VAV3: variants seen among roughly 807,000 people sequenced by gnomAD.
VAV3 encodes the protein guanine nucleotide exchange factor VAV3.
VAV3 carries 94 observed loss-of-function variants against 131.2 expected under a neutral mutation model. That is an observed-to-expected ratio of 0.72 (90% CI 0.61 to 0.85). The LOEUF (loss-of-function observed/expected upper bound fraction) is 0.85. VAV3 is among the 40% of genes least tolerant of loss of function. VAV3 has a pLI of 0.00. For missense variants in VAV3, 939 were observed against 1,002.7 expected (o/e 0.94, Z 0.86); for synonymous variants, 349 against 342.0 (o/e 1.02, Z -0.22).
intron 2 of VAV3, among the ~76,000 whole-genome samples, chr1:107,819,671 A>T (rs78288858): frequency 0.082 from 12,460 of 152,194 alleles, 723 homozygotes; most frequent in East Asian, 0.24. Context: ...GATTGGGGGA[A>T]TTTATGTAGG....
chr1:107,683,102 G>T (rs1658765137), intron 19 of VAV3, among the ~76,000 whole-genome samples: 1 of 152,192 alleles, frequency 6.6e-6, no homozygotes, highest in Non-Finnish European at 1.5e-5. Flanking sequence ...GTGGGTACCA[G>T]TTGTCTGGTT....
intron 15 of VAV3, among the ~76,000 whole-genome samples, chr1:107,705,338 T>A (rs371260684): frequency 7.1e-6 from 1 of 141,400 alleles, no homozygotes; most frequent in East Asian, 2.0e-4. Flanking sequence ...AATGGCCACA[T>A]AGGTCAACCT....
intron 2 of VAV3, among the ~76,000 whole-genome samples, chr1:107,851,798 C>A (rs1669245199): frequency 6.6e-6 from 1 of 152,106 alleles, no homozygotes; most frequent in Non-Finnish European, 1.5e-5. Context: ...TATGAATCTA[C>A]CCACTTAGAA....
intron 2 of VAV3, among the ~76,000 whole-genome samples, chr1:107,853,537 G>T: frequency 6.7e-6 from 1 of 150,224 alleles, no homozygotes; most frequent in Admixed American, 6.6e-5. Flanking sequence ...ACAAGTTCTT[G>T]TTTCTATACT....
chr1:107,738,000 A>G (rs1443092728), intron 15 of VAV3, among the ~76,000 whole-genome samples: 3 of 152,238 alleles, frequency 2.0e-5, no homozygotes, highest in African/African-American at 7.2e-5. Context: ...TGTGGCACAT[A>G]TTCACCATGG....
intron 1 of VAV3, among the ~76,000 whole-genome samples, chr1:107,891,871 A>T (rs934271014): frequency 4.1e-5 from 6 of 147,490 alleles, no homozygotes; most frequent in African/African-American, 1.5e-4. Context: ...AAAAGAGCTC[A>T]GGGGTCAGAC....
rs927521533 is a variant in VAV3 at position 107,662,520 on chromosome 1, T to C, written c.1778-19765A>G. Among the ~76,000 whole-genome samples the C allele has an allele frequency of 3.3e-5, 5 of 152,288 alleles. No individual in the cohort carries two copies. In the East Asian group the frequency reaches 7.7e-4, roughly 24 times the overall value. On this transcript the variant is annotated intron_variant, in intron 19 of 26. Coordinates refer to ENST00000370056, the MANE Select transcript of VAV3 (RefSeq NM_006113.5). Reference sequence around the variant, plus strand: ...GAGCACAAATGCTGCTGTTTTTCAATGATCAATGTTTTTAGAGGCCCAATA... The same window carrying C: ...GAGCACAAATGCTGCTGTTTTTCAACGATCAATGTTTTTAGAGGCCCAATA...
intron 1 of VAV3, among the ~76,000 whole-genome samples, chr1:107,954,201 A>T (rs1571188224): frequency 6.6e-6 from 1 of 152,182 alleles, no homozygotes; most frequent in African/African-American, 2.4e-5. Flanking sequence ...TGAATTTACA[A>T]AAAGAATATT....
At chr1:107,740,427 A>G (rs1192073636) in intron 15 of VAV3, among the ~76,000 whole-genome samples, 1 of 152,240 alleles carries the variant, frequency 6.6e-6, no homozygotes, top group Non-Finnish European at 1.5e-5. Context: ...GAAACTAGAA[A>G]TTGAATAGAT....
At chr1:107,929,491 A>C (rs1673319647) in intron 1 of VAV3, among the ~76,000 whole-genome samples, 1 of 152,150 alleles carries the variant, frequency 6.6e-6, no homozygotes, top group African/African-American at 2.4e-5. Flanking sequence ...ATCTGAAGGT[A>C]CAAAACTCAC....
intron 2 of VAV3, among the ~76,000 whole-genome samples, chr1:107,807,823 A>AT (rs1667130363): frequency 6.6e-6 from 1 of 152,136 alleles, no homozygotes; most frequent in Non-Finnish European, 1.5e-5. Context: ...CTTTTTTCCT[A>AT]TTTTGCAGTG....
At chr1:107,614,823 C>T (rs1328204) in intron 21 of VAV3, among the ~76,000 whole-genome samples, 151,523 of 152,266 alleles carry the variant, frequency 1, 75,397 homozygotes, top group Middle Eastern at 1. Flanking sequence ...AAGTGCTCAT[C>T]TTTATGCCTT....
intron 25 of VAV3, among the ~76,000 whole-genome samples, chr1:107,583,906 C>G (rs1200097948): frequency 6.6e-6 from 1 of 152,132 alleles, no homozygotes; most frequent in East Asian, 1.9e-4. Context: ...GAAAAAACTA[C>G]TTTAAAGTTC....
intron 15 of VAV3, among the ~76,000 whole-genome samples, chr1:107,713,287 C>A (rs963524561): frequency 1.3e-5 from 2 of 151,810 alleles, no homozygotes; most frequent in African/African-American, 4.8e-5. Flanking sequence ...CTTATATAAT[C>A]TTTAAAGGAA....
At chr1:107,696,623 A>G (rs1331035123) in intron 17 of VAV3, among the ~76,000 whole-genome samples, 1 of 152,176 alleles carries the variant, frequency 6.6e-6, no homozygotes, top group Non-Finnish European at 1.5e-5. Flanking sequence ...AAAGCTCTGT[A>G]AAGTATGGGT....
intron 17 of VAV3, among the ~76,000 whole-genome samples, chr1:107,696,755 A>C (rs908452903): frequency 3.9e-5 from 6 of 152,176 alleles, no homozygotes; most frequent in African/African-American, 1.4e-4. Context: ...GATTTCCCTC[A>C]AAGTCAAGTT....
chr1:107,598,556 G>C (rs998734389), intron 24 of VAV3, among the ~76,000 whole-genome samples: 3 of 151,994 alleles, frequency 2.0e-5, no homozygotes, highest in Non-Finnish European at 4.4e-5. Context: ...AGATAATGTG[G>C]GTCCTTGTTG....
At chr1:107,873,619 T>C (rs1234095234) in intron 2 of VAV3, among the ~76,000 whole-genome samples, 1 of 152,190 alleles carries the variant, frequency 6.6e-6, no homozygotes, top group Non-Finnish European at 1.5e-5. Context: ...TCCCATTTCC[T>C]TACTAGGGGC....
Position 107,874,927 on chromosome 1 carries a change from A to G in VAV3, c.295T>C (p.Leu99=), listed in dbSNP as rs12072686. ...TTTCCAAAGTCACGAACATCAAACAAGTCAAATGCCTCGAAAAGTTCACTT... is the reference window on the plus strand; with the variant it reads ...TTTCCAAAGTCACGAACATCAAACAGGTCAAATGCCTCGAAAAGTTCACTT... ...RKSELFEAFD[L]FDVRDFGKVI... is the part of the protein sequence containing the mutation. Residue 99 remains leucine (L), a synonymous_variant, in exon 2 of 27, where the codon TTG becomes CTG. Coordinates refer to ENST00000370056, the MANE Select transcript of VAV3 (RefSeq NM_006113.5). 3,372 of 1,613,358 alleles carry G rather than the reference A, an allele frequency of 2.1e-3. 54 individuals are homozygous for G. The African/African-American group carries it at 0.038, about 18-fold the overall frequency.
Sources: allele counts gnomAD v4.1 joint callset (sites outside exome capture counted in the v4.1 genomes callset), GRCh38; gene constraint gnomAD v4.1.1; transcripts MANE v1.5; gene names NCBI Gene and HGNC (gene_info 2026-07-23, HGNC 2026-07-21).